The following FAM184B variants were observed in gnomAD, a reference collection of about 807,000 sequenced individuals.
FAM184B encodes family with sequence similarity 184 member B.
Under a neutral mutation model 135.9 loss-of-function variants are expected in FAM184B, and 111 were observed. The observed-to-expected ratio is 0.82, with a 90% CI of 0.70 to 0.96. The LOEUF (loss-of-function observed/expected upper bound fraction) is 0.96, where lower values mean the gene tolerates loss of function less well. Ranked by LOEUF, FAM184B falls within the 40% of genes least tolerant of loss-of-function variation. The pLI, the probability that FAM184B is intolerant of heterozygous loss-of-function variation, is 0.00. For synonymous variants in FAM184B, 552 were observed against 524.8 expected (o/e 1.05, Z -0.71); for missense variants, 1,375 against 1,323.9 (o/e 1.04, Z -0.60).
At chr4:17,649,948 C>T (rs1331688906) in intron 11 of FAM184B, among the ~76,000 whole-genome samples, 7 of 151,504 alleles carry the variant, frequency 4.6e-5, no homozygotes, top group Non-Finnish European at 8.8e-5. Context: ...ATTGGTTGCC[C>T]ACCCAATCAT....
chr4:17,633,636 T>C, intron 17 of FAM184B, 53 bp downstream of exon 17: 28 of 1,374,560 alleles, frequency 2.0e-5, no homozygotes, highest in Non-Finnish European at 2.6e-5. Context: ...CTACTTCCCC[T>C]CTTATCTACA....
At chr4:17,752,931 ACCT>A (rs1718335044) in intron 1 of FAM184B, among the ~76,000 whole-genome samples, 2 of 152,106 alleles carry the variant, frequency 1.3e-5, no homozygotes, top group South Asian at 4.1e-4. Context: ...TTCTCTCTTA[ACCT>A]CCACTATTTG....
At chr4:17,636,461 G>C in intron 15 of FAM184B, 67 bp downstream of exon 15, 1 of 1,209,682 alleles carries the variant, frequency 8.3e-7, no homozygotes, top group South Asian at 1.3e-5. Flanking sequence ...GCAAGTGAAC[G>C]CCCCTCCCGG....
chr4:17,723,118 G>C (rs553613711), intron 1 of FAM184B, among the ~76,000 whole-genome samples: 1 of 152,224 alleles, frequency 6.6e-6, no homozygotes, highest in Admixed American at 6.5e-5. Context: ...AACAATGTGT[G>C]CTACCATTAT....
At chr4:17,748,103 GAAAAAA>G (rs58795222) in intron 1 of FAM184B, among the ~76,000 whole-genome samples, 15 of 70,324 alleles carry the variant, frequency 2.1e-4, no homozygotes, top group South Asian at 6.4e-4. Context: ...GACTCCGTCT[GAAAAAA>G]AAAAAAAAAA....
At chr4:17,764,791 G>A (rs567039558) in intron 1 of FAM184B, among the ~76,000 whole-genome samples, 7 of 152,308 alleles carry the variant, frequency 4.6e-5, no homozygotes, top group South Asian at 2.1e-4. Flanking sequence ...TCGGCCAGGC[G>A]CGGTGGCTCA....
intron 1 of FAM184B, among the ~76,000 whole-genome samples, chr4:17,766,251 G>A (rs963271386): frequency 2.6e-5 from 4 of 152,202 alleles, no homozygotes; most frequent in South Asian, 2.1e-4. Flanking sequence ...TGATTGGTCC[G>A]TTTTGACAGG....
chr4:17,640,481 C>CAAAAA, intron 13 of FAM184B, among the ~76,000 whole-genome samples: 2 of 127,420 alleles, frequency 1.6e-5, no homozygotes, highest in Middle Eastern at 4.0e-3. Flanking sequence ...AAGACTGTCT[C>CAAAAA]AAAAAAAAAA....
chr4:17,632,326 C>G lies in FAM184B; in HGVS notation c.*206G>C. On this transcript the variant is annotated 3_prime_UTR_variant, in exon 18 of 18. Transcript: ENST00000265018. The stretch of plus-strand genomic sequence containing the variant: ...CTGGACTCAAGCAGTCCATCTGCCT[C>G]AGCCTCCCAAAGTGATGGGATTACA... 1 of 382,618 alleles carries G rather than the reference C, an allele frequency of 2.6e-6. No homozygotes were observed. Among genetic ancestry groups the G allele is most frequent in the Non-Finnish European group, 4.8e-6 (1 of 206,214 alleles). 23.7% of individuals were successfully genotyped at this position (382,618 alleles called of 1,614,324 possible).
At chr4:17,667,860 C>T (rs1308580096) in intron 7 of FAM184B, among the ~76,000 whole-genome samples, 2 of 152,196 alleles carry the variant, frequency 1.3e-5, no homozygotes, top group Admixed American at 6.5e-5. Flanking sequence ...TTGATCTACT[C>T]GCTCACCTTA....
At position 17,629,997 on chromosome 4, in the gene FAM184B, A is replaced by AAGAT. The variant is rs1190709445; in HGVS notation, c.*2531_*2534dup. 1 of 152,214 alleles carries AAGAT rather than the reference A, an allele frequency of 6.6e-6. No individual in the cohort carries two copies. Among genetic ancestry groups the AAGAT allele is most frequent in the African/African-American group, 2.4e-5 (1 of 41,458 alleles). 9.4% of individuals were successfully genotyped at this position (152,214 alleles called of 1,614,324 possible). A position where few individuals can be genotyped will look rare whatever the true frequency, so the allele number is the denominator to read the frequency against. On this transcript the variant is annotated 3_prime_UTR_variant, in exon 18 of 18. Coordinates refer to ENST00000265018, the MANE Select transcript of FAM184B (RefSeq NM_015688.2). ...GAAGCATGCAAAGATTTTGTTAACA[A>AAGAT]AGATATAATCATTGCAGGGTAGAAT... is the stretch of plus-strand genomic sequence containing the variant.
At chr4:17,660,619 A>C (rs1241055199) in intron 8 of FAM184B, among the ~76,000 whole-genome samples, 2 of 152,096 alleles carry the variant, frequency 1.3e-5, no homozygotes, top group East Asian at 1.9e-4. Flanking sequence ...TGAACAAGGA[A>C]ATGCTAGTTT....
At chr4:17,665,007 T>C (rs1716012964) in intron 7 of FAM184B, among the ~76,000 whole-genome samples, 1 of 152,168 alleles carries the variant, frequency 6.6e-6, no homozygotes, top group South Asian at 2.1e-4. Context: ...AACCGGATAA[T>C]AGGACCCTGG....
chr4:17,701,334 C>T (rs1441535612), intron 5 of FAM184B, among the ~76,000 whole-genome samples: 1 of 152,198 alleles, frequency 6.6e-6, no homozygotes, highest in Non-Finnish European at 1.5e-5. Context: ...GAATTACTGG[C>T]TATGGAGTCA....
chr4:17,690,970 G>A (rs1452842234), intron 6 of FAM184B, among the ~76,000 whole-genome samples: 2 of 152,184 alleles, frequency 1.3e-5, no homozygotes, highest in African/African-American at 4.8e-5. Context: ...GGGACAGATT[G>A]TAGCATCATT....
chr4:17,741,484 A>G (rs1376643326), intron 1 of FAM184B, among the ~76,000 whole-genome samples: 1 of 152,136 alleles, frequency 6.6e-6, no homozygotes, highest in African/African-American at 2.4e-5. Flanking sequence ...ACCTGAGGTC[A>G]GGAGTTTGAG....
intron 7 of FAM184B, among the ~76,000 whole-genome samples, chr4:17,667,644 C>T (rs769610953): frequency 2.0e-5 from 3 of 152,184 alleles, no homozygotes; most frequent in Non-Finnish European, 4.4e-5. Flanking sequence ...CTTATCTTCC[C>T]CCTGGGGTGG....
At chr4:17,664,838 A>T (rs116073385) in intron 7 of FAM184B, among the ~76,000 whole-genome samples, 179 bp from the exon 8 acceptor site, 2,714 of 152,222 alleles carry the variant, frequency 0.018, 91 homozygotes, top group African/African-American at 0.062. Context: ...ACGTGACTAG[A>T]ACAGTGCCTG....
rs185253669 is a variant in FAM184B, at chr4:17,684,909, G to A, written c.1596+3515C>T. Among the ~76,000 whole-genome samples, 72 of 152,234 alleles carry A rather than the reference G, an allele frequency of 4.7e-4. 2 individuals carry two copies. The East Asian group carries it at 0.012, about 25-fold the overall frequency. On this transcript the variant is annotated intron_variant, in intron 7 of 17. Transcript: ENST00000265018. Reference sequence around the variant, plus strand: ...CCTTTGCAGGGACATGGATGAAGCTGGAAGCCATTATCCTCAGCAAACTAA... The same window carrying A: ...CCTTTGCAGGGACATGGATGAAGCTAGAAGCCATTATCCTCAGCAAACTAA...
Sources: allele counts gnomAD v4.1 joint callset (sites outside exome capture counted in the v4.1 genomes callset), GRCh38; gene constraint gnomAD v4.1.1; transcripts MANE v1.5; gene names NCBI Gene and HGNC (gene_info 2026-07-23, HGNC 2026-07-21).